The following KBTBD2 variants were observed in gnomAD, a reference collection of about 807,000 sequenced individuals.
KBTBD2 encodes kelch repeat and BTB domain-containing protein 2.
Under a neutral mutation model 57.1 loss-of-function variants are expected in KBTBD2, and 17 were observed. That is an observed-to-expected ratio of 0.30 (90% CI 0.20 to 0.45). The LOEUF (loss-of-function observed/expected upper bound fraction) is 0.45, where lower values mean the gene tolerates loss of function less well. KBTBD2 is among the 20% of genes least tolerant of loss of function. The probability of loss-of-function intolerance (pLI) is 1.00; values close to 1 mark genes in which losing one functional copy is unlikely to be tolerated. For synonymous variants in KBTBD2, 267 were observed against 262.7 expected, an observed-to-expected ratio of 1.02 and a Z score of -0.16; for missense variants, 515 against 750.6, an observed-to-expected ratio of 0.69 and a Z score of 3.67.
intron 3 of KBTBD2, among the ~76,000 whole-genome samples, chr7:32,871,842 G>T (rs1004668216): frequency 9.0e-6 from 1 of 111,036 alleles, no homozygotes; most frequent in African/African-American, 5.1e-5. Flanking sequence ...GGCTTCCAGG[G>T]CAACACAGTC....
Position 32,869,861 on chromosome 7 carries a change from C to T in KBTBD2, c.1356G>A (p.Met452Ile). 1 of 1,613,636 alleles carries T rather than the reference C, an allele frequency of 6.2e-7. No homozygotes were observed. The highest frequency in any genetic ancestry group is 8.5e-7 in the Non-Finnish European group (1 of 1,180,006). The change falls in exon 4 of 4, where the codon ATG (methionine) becomes ATA (isoleucine). Residue 452 changes from methionine (M) to isoleucine (I), a missense_variant. By Grantham distance (10) the Met-to-Ile change is conservative. Transcript: ENST00000304056. ...AGGACCTACTAGTCTGTCTCATGGC[C>T]ATTTCTACCCATGAGTCAGACCTTG... ...YFPRSDSWVE[M>I]AMRQTSRSFA...
At chr7:32,890,221 A>T (rs561133201) in intron 1 of KBTBD2, among the ~76,000 whole-genome samples, 1 of 152,218 alleles carries the variant, frequency 6.6e-6, no homozygotes, top group African/African-American at 2.4e-5. Flanking sequence ...TGAGGATTCC[A>T]GGCCCCAACC....
chr7:32,882,044 C>T (rs1055851794), intron 1 of KBTBD2, among the ~76,000 whole-genome samples: 1 of 151,528 alleles, frequency 6.6e-6, no homozygotes, highest in African/African-American at 2.4e-5. Context: ...CCTCACGTTA[C>T]TTCAGGTCAG....
In KBTBD2 at chr7:32,879,744, C is replaced by A; in HGVS notation, c.-140G>T. On this transcript the variant is annotated 5_prime_UTR_variant, in exon 2 of 4. Transcript: ENST00000304056. ...TTCAGTACCAAGACTGACACATTCACTAATGAGTAATATCTTGTTACACAG... is the reference window on the plus strand; with the variant it reads ...TTCAGTACCAAGACTGACACATTCAATAATGAGTAATATCTTGTTACACAG... 1.5e-6 allele frequency: 1 copy of A among 651,898 alleles called. No individual in the cohort carries two copies. The highest frequency in any genetic ancestry group is 2.8e-5 in the East Asian group (1 of 35,958). The allele number at this position is 651,898 out of a possible 1,614,324, so 40.4% of individuals were successfully genotyped here. A position where few individuals can be genotyped will look rare whatever the true frequency, so the allele number is the denominator to read the frequency against.
chr7:32,888,004 C>T (rs1415454664), intron 1 of KBTBD2, among the ~76,000 whole-genome samples: 1 of 152,200 alleles, frequency 6.6e-6, no homozygotes, highest in Non-Finnish European at 1.5e-5. Flanking sequence ...GCAGCACTTT[C>T]CCAACTCCTG....
At chr7:32,881,538 A>G (rs1177723169) in intron 1 of KBTBD2, among the ~76,000 whole-genome samples, 1 of 152,168 alleles carries the variant, frequency 6.6e-6, no homozygotes, top group Admixed American at 6.5e-5. Context: ...GACAAACTAT[A>G]CTATTACAGT....
Position 32,875,173 on chromosome 7 carries a change from A to T in KBTBD2, c.171-16T>A. On this transcript the variant is annotated splice_polypyrimidine_tract_variant and intron_variant, in intron 2 of 3. Coordinates refer to ENST00000304056, the MANE Select transcript of KBTBD2 (RefSeq NM_015483.3). ...AAACATGGCCCTACAGGGGAGATGA[A>T]GAAAACAAAGTTGTAAGGGTTTTGT... is the stretch of plus-strand genomic sequence containing the variant. 6.2e-7 allele frequency: 1 copy of T among 1,610,208 alleles called. No homozygotes were observed. Among genetic ancestry groups the T allele is most frequent in the Non-Finnish European group, 8.5e-7 (1 of 1,178,054 alleles).
chr7:32,874,916 A>C, intron 3 of KBTBD2, 76 bp downstream of exon 3: 1 of 1,249,516 alleles, frequency 8.0e-7, no homozygotes, highest in Non-Finnish European at 1.1e-6. Context: ...GGTTGCAGTG[A>C]GCGGAGATCG....
chr7:32,869,344 A>G lies in KBTBD2; in HGVS notation c.*1T>C, dbSNP rs1394251550. On this transcript the variant is annotated 3_prime_UTR_variant, in exon 4 of 4. Transcript: ENST00000304056. ...AGGCGTGCACTCCCTGAACTTCCCC[A>G]CTATACAGGTGGTAGTGCAACCATT... 1 of 1,595,198 alleles carries G rather than the reference A, an allele frequency of 6.3e-7. No homozygotes were observed. The highest frequency in any genetic ancestry group is 8.6e-7 in the Non-Finnish European group (1 of 1,168,978).
intron 3 of KBTBD2, among the ~76,000 whole-genome samples, chr7:32,872,825 A>G (rs376060500): frequency 1.5e-4 from 23 of 152,368 alleles, no homozygotes; most frequent in African/African-American, 5.3e-4. Context: ...AATCTAACAT[A>G]TAATGCAAAT....
At chr7:32,876,939 A>C (rs1221795010) in intron 2 of KBTBD2, among the ~76,000 whole-genome samples, 2 of 152,156 alleles carry the variant, frequency 1.3e-5, no homozygotes, top group Admixed American at 6.5e-5. Flanking sequence ...CCCGGGCAAC[A>C]AAAGTGAAAC....
chr7:32,869,865 T>C lies in KBTBD2; in HGVS notation c.1352A>G (p.Glu451Gly). 1.2e-6 allele frequency: 2 copies of C among 1,613,722 alleles called. No individual in the cohort carries two copies. Among genetic ancestry groups the C allele is most frequent in the Non-Finnish European group, 1.7e-6 (2 of 1,180,010 alleles). ...CYFPRSDSWV[E>G]MAMRQTSRSF... The stretch of plus-strand genomic sequence containing the variant: ...CCTACTAGTCTGTCTCATGGCCATT[T>C]CTACCCATGAGTCAGACCTTGGAAA... Residue 451 changes from glutamate (E) to glycine (G), a missense_variant, in exon 4 of 4, where the codon GAA becomes GGA. Glu to Gly is a moderately conservative substitution (Grantham distance 98). Coordinates refer to ENST00000304056, the MANE Select transcript of KBTBD2 (RefSeq NM_015483.3).
intron 1 of KBTBD2, among the ~76,000 whole-genome samples, chr7:32,887,391 T>G (rs1784606632): frequency 6.6e-6 from 1 of 152,098 alleles, no homozygotes; most frequent in Non-Finnish European, 1.5e-5. Flanking sequence ...TTCTAAATGT[T>G]CTCACCACAA....
rs560554842 is a variant in KBTBD2 at position 32,871,929 on chromosome 7, T to A, written c.337-1049A>T. ...TTTCGTTAAAATGGCAGAAAAAAAA[T>A]GTTAAGGAGCAGTGTCAATATTTAC... is the stretch of plus-strand genomic sequence containing the variant. On this transcript the variant is annotated intron_variant, in intron 3 of 3. Transcript: ENST00000304056. Among the ~76,000 whole-genome samples, 22 of 152,066 alleles carry A rather than the reference T, an allele frequency of 1.4e-4. 1 individual carries two copies. In the South Asian group the frequency reaches 4.6e-3, roughly 32 times the overall value.
At chr7:32,885,265 C>T (rs1043751330) in intron 1 of KBTBD2, among the ~76,000 whole-genome samples, 1 of 151,542 alleles carries the variant, frequency 6.6e-6, no homozygotes, top group African/African-American at 2.4e-5. Flanking sequence ...CTTCAGATCA[C>T]AAAACAAGGA....
intron 3 of KBTBD2, among the ~76,000 whole-genome samples, chr7:32,871,201 CTT>C (rs1259079372): frequency 1.3e-5 from 2 of 152,072 alleles, no homozygotes; most frequent in African/African-American, 4.8e-5. Context: ...CTTTCCTAGA[CTT>C]TATATATAAT....
chr7:32,890,917 T>C (rs1784717181), intron 1 of KBTBD2: 1 of 152,054 alleles, frequency 6.6e-6, no homozygotes, highest in African/African-American at 2.4e-5. Flanking sequence ...GTTCAATCCG[T>C]AGGGAGAAGG....
intron 1 of KBTBD2, among the ~76,000 whole-genome samples, chr7:32,884,491 A>T (rs1474383220): frequency 6.6e-6 from 1 of 151,884 alleles, no homozygotes; most frequent in Non-Finnish European, 1.5e-5. Flanking sequence ...GGAGATTGAG[A>T]CCATCCTGGC....
intron 1 of KBTBD2, among the ~76,000 whole-genome samples, chr7:32,884,976 GTA>G (rs529084573): frequency 4.8e-4 from 63 of 130,070 alleles, no homozygotes; most frequent in South Asian, 2.3e-3. Flanking sequence ...GTATGTGTGT[GTA>G]TATATATATA....
Sources: allele counts gnomAD v4.1 joint callset (sites outside exome capture counted in the v4.1 genomes callset), GRCh38; gene constraint gnomAD v4.1.1; transcripts MANE v1.5; gene names NCBI Gene and HGNC (gene_info 2026-07-23, HGNC 2026-07-21).